Variants in ALLC observed in about 807,000 individuals in gnomAD.
The protein encoded by ALLC is probable inactive allantoicase.
ALLC carries 40 observed loss-of-function variants against 45.0 expected under a neutral mutation model. The ratio of observed to expected loss-of-function variants is 0.89; its 90% CI spans 0.69 to 1.16. The LOEUF (loss-of-function observed/expected upper bound fraction) is 1.16, where lower values mean the gene tolerates loss of function less well. Among genes scored for constraint, ALLC ranks in the 50% most tolerant of loss-of-function variants. The pLI is 0.00. For missense variants in ALLC, 488 were observed against 493.1 expected, an observed-to-expected ratio of 0.99 and a Z score of 0.10; for synonymous variants, 176 against 178.1, an observed-to-expected ratio of 0.99 and a Z score of 0.09.
intron 2 of ALLC, 27 bp from the exon 3 acceptor site, chr2:3,674,047 AT>A: frequency 1.4e-6 from 2 of 1,425,968 alleles, no homozygotes; most frequent in Non-Finnish European, 1.9e-6. Flanking sequence ...TGGTTGCTTT[AT>A]CTTTCTTTCT....
upstream of ALLC, among the ~76,000 whole-genome samples, chr2:3,654,350 C>A (rs973472351): frequency 6.6e-6 from 1 of 152,264 alleles, no homozygotes; most frequent in Non-Finnish European, 1.5e-5. Flanking sequence ...GCAACGGCTG[C>A]AGTGGCTTTG....
intron 1 of ALLC, among the ~76,000 whole-genome samples, chr2:3,659,496 A>T (rs13390379): frequency 2.6e-5 from 4 of 152,164 alleles, no homozygotes; most frequent in African/African-American, 9.7e-5. Context: ...CAGAAAATGT[A>T]TTTAAGAGCT....
chr2:3,654,487 C>T (rs142137796), upstream of ALLC, among the ~76,000 whole-genome samples: 1 of 152,330 alleles, frequency 6.6e-6, no homozygotes, highest in East Asian at 1.9e-4. Flanking sequence ...TTGCTGGGGC[C>T]GTCTAGGAGG....
intron 9 of ALLC, among the ~76,000 whole-genome samples, chr2:3,696,806 C>T (rs1484301122): frequency 1.3e-5 from 2 of 152,064 alleles, no homozygotes; most frequent in Non-Finnish European, 2.9e-5. Flanking sequence ...ATAGAGAAAC[C>T]AAGATGAAGT....
chr2:3,682,465 G>A lies in ALLC; in HGVS notation c.379-477G>A, dbSNP rs1205584689. Among the ~76,000 whole-genome samples, 3 of 152,142 alleles carry A rather than the reference G, an allele frequency of 2.0e-5. No individual in the cohort carries two copies. The East Asian group carries it at 5.8e-4, about 29-fold the overall frequency. On this transcript the variant is annotated intron_variant, in intron 6 of 11. Transcript: ENST00000252505. ...TTTATTCTGTTTTTTATTAAACATG[G>A]GGCTTGATATGTACTATTTTTATTA...
the ALLC span, among the ~76,000 whole-genome samples, chr2:3,652,907 C>T: frequency 6.6e-6 from 1 of 152,142 alleles, no homozygotes; most frequent in Non-Finnish European, 1.5e-5. Flanking sequence ...TAAATAATAA[C>T]CATCCATTTA....
At chr2:3,702,314 C>G (rs1667875269) in intron 11 of ALLC, 49 bp from the exon 12 acceptor site, 1 of 1,568,768 alleles carries the variant, frequency 6.4e-7, no homozygotes, top group South Asian at 1.1e-5. Context: ...CATTCGGCCA[C>G]ACATGTCCTG....
In ALLC at chr2:3,680,994, AT is replaced by A. The variant is rs1001302680; in HGVS notation, c.299-639del. Among the ~76,000 whole-genome samples, 15 of 152,278 alleles carry A rather than the reference AT, an allele frequency of 9.9e-5. No individual in the cohort carries two copies. The highest frequency in any genetic ancestry group is 2.4e-4 in the African/African-American group (10 of 41,546). ...TTGACTTTAGCATTAATTAAAAAAA[AT>A]ATACAATTATGTGTGTGTTTATACA... On this transcript the variant is annotated intron_variant, in intron 5 of 11. Coordinates refer to ENST00000252505, the MANE Select transcript of ALLC (RefSeq NM_018436.4). The surrounding 1 kb of genome is among the most constrained non-coding windows in gnomAD (Gnocchi z 4.0).
chr2:3,653,306 G>A (rs1666378608), upstream of ALLC, among the ~76,000 whole-genome samples: 1 of 152,220 alleles, frequency 6.6e-6, no homozygotes, highest in Non-Finnish European at 1.5e-5. The surrounding 1 kb of genome is among the most constrained non-coding windows in gnomAD (Gnocchi z 4.1). Flanking sequence ...GGGTGTGAGG[G>A]ACTGTGGCCA....
At chr2:3,676,615 C>G (rs1667031165) in intron 3 of ALLC, among the ~76,000 whole-genome samples, 1 of 152,192 alleles carries the variant, frequency 6.6e-6, no homozygotes, top group Admixed American at 6.5e-5. Flanking sequence ...CCCAGGCCAC[C>G]CTCTTAGCTG....
intron 1 of ALLC, among the ~76,000 whole-genome samples, chr2:3,660,010 G>C (rs2147990145): frequency 6.6e-6 from 1 of 152,348 alleles, no homozygotes. Context: ...CTTTGAGGTT[G>C]TGGGGTGCTA....
chr2:3,665,212 GA>G (rs1254226547), intron 1 of ALLC, among the ~76,000 whole-genome samples: 1 of 152,102 alleles, frequency 6.6e-6, no homozygotes, highest in Non-Finnish European at 1.5e-5. Context: ...AATGTTTTCT[GA>G]AGACGAGCTT....
At chr2:3,654,166 G>A (rs1159997446), upstream of ALLC, among the ~76,000 whole-genome samples, 3 of 152,230 alleles carry the variant, frequency 2.0e-5, no homozygotes, top group Non-Finnish European at 4.4e-5. Flanking sequence ...TGCCATGTGG[G>A]CCTCTCTAGA....
At chr2:3,687,319 G>C (rs1283987927) in intron 7 of ALLC, among the ~76,000 whole-genome samples, 1 of 150,890 alleles carries the variant, frequency 6.6e-6, no homozygotes, top group Non-Finnish European at 1.5e-5. Flanking sequence ...TCTGTTTATT[G>C]TGTTGTTAAA....
intron 3 of ALLC, among the ~76,000 whole-genome samples, chr2:3,676,743 C>T (rs1390079646): frequency 3.9e-5 from 6 of 152,142 alleles, no homozygotes; most frequent in Non-Finnish European, 7.4e-5. Context: ...CAAGTGTGTG[C>T]ACGTGTGTCG....
intron 2 of ALLC, among the ~76,000 whole-genome samples, chr2:3,673,763 G>C (rs35752035): frequency 0.22 from 32,857 of 152,092 alleles, 3,711 homozygotes; most frequent in African/African-American, 0.26. Flanking sequence ...TGTAAAAGTA[G>C]CACGAAACCT....
intron 6 of ALLC, 21 bp from the exon 7 acceptor site, chr2:3,682,921 C>G (rs1558542466): frequency 6.2e-7 from 1 of 1,610,584 alleles, no homozygotes; most frequent in Non-Finnish European, 8.5e-7. Flanking sequence ...CAATTGCTGA[C>G]ATTTCTATAT....
the ALLC span, among the ~76,000 whole-genome samples, chr2:3,649,708 G>A: frequency 1.3e-5 from 2 of 152,262 alleles, no homozygotes; most frequent in South Asian, 4.1e-4. Context: ...CAGCCCTGGA[G>A]AGGACGCTGT....
chr2:3,656,976 G>A (rs769764515), upstream of ALLC, among the ~76,000 whole-genome samples: 9 of 152,244 alleles, frequency 5.9e-5, no homozygotes, highest in South Asian at 4.1e-4. Flanking sequence ...GAGGCGGCGA[G>A]CGGGGGCACT....
Sources: allele counts gnomAD v4.1 joint callset (sites outside exome capture counted in the v4.1 genomes callset), GRCh38; gene constraint gnomAD v4.1.1; non-coding constraint Gnocchi (gnomAD v3.1); transcripts MANE v1.5; gene names NCBI Gene and HGNC (gene_info 2026-07-23, HGNC 2026-07-21).